GPBP1L1: variants seen among roughly 807,000 people sequenced by gnomAD.
GPBP1L1 encodes the protein GC-rich promoter binding protein 1 like 1.
Under a neutral mutation model 52.5 loss-of-function variants are expected in GPBP1L1, and 23 were observed. The observed-to-expected ratio is 0.44, with a 90% CI of 0.32 to 0.62. The LOEUF (loss-of-function observed/expected upper bound fraction) is 0.62. Among genes scored for constraint, GPBP1L1 ranks in the 20% least tolerant of loss-of-function variants. GPBP1L1 has a pLI of 0.06. For missense variants in GPBP1L1, 596 were observed against 579.3 expected (o/e 1.03, Z -0.30); for synonymous variants, 243 against 203.1 (o/e 1.20, Z -1.67).
intron 2 of GPBP1L1, among the ~76,000 whole-genome samples, chr1:45,674,082 GAA>G (rs1645109209): frequency 3.3e-5 from 5 of 151,406 alleles, no homozygotes; most frequent in African/African-American, 1.2e-4. Context: ...TCAAAAAAAA[GAA>G]AAAGTCAATA....
chr1:45,673,260 CAACT>C (rs1645096309), intron 2 of GPBP1L1, among the ~76,000 whole-genome samples: 1 of 152,178 alleles, frequency 6.6e-6, no homozygotes, highest in Admixed American at 6.5e-5. Context: ...TCTATCTTCT[CAACT>C]AAGTAGACAG....
intron 2 of GPBP1L1, among the ~76,000 whole-genome samples, chr1:45,680,004 TAGG>T (rs1230114020): frequency 6.6e-6 from 1 of 151,250 alleles, no homozygotes; most frequent in Non-Finnish European, 1.5e-5. Context: ...CACTTGAGCC[TAGG>T]AGGTCAAAGC....
At chr1:45,659,622 T>A (rs1644924172) in intron 3 of GPBP1L1, among the ~76,000 whole-genome samples, 1 of 152,184 alleles carries the variant, frequency 6.6e-6, no homozygotes, top group African/African-American at 2.4e-5. Flanking sequence ...CTTCAAGTAC[T>A]CAGGTAACTT....
chr1:45,634,326 C>T, intron 8 of GPBP1L1, 90 bp from the exon 9 acceptor site: 1 of 1,318,818 alleles, frequency 7.6e-7, no homozygotes, highest in Non-Finnish European at 1.0e-6. Context: ...TGAAATGTTA[C>T]ATGAGAACAT....
intron 8 of GPBP1L1, among the ~76,000 whole-genome samples, chr1:45,638,842 G>T (rs1225201425): frequency 6.6e-6 from 1 of 152,140 alleles, no homozygotes; most frequent in African/African-American, 2.4e-5. Flanking sequence ...TGCGCCAGAA[G>T]AATAATTTCT....
At chr1:45,678,251 A>C (rs1442481998) in intron 2 of GPBP1L1, among the ~76,000 whole-genome samples, 1 of 152,340 alleles carries the variant, frequency 6.6e-6, no homozygotes, top group Admixed American at 6.5e-5. Flanking sequence ...TATACTAAAA[A>C]CCACTAAATC....
At chr1:45,637,209 G>A (rs1453869656) in intron 8 of GPBP1L1, among the ~76,000 whole-genome samples, 1 of 152,122 alleles carries the variant, frequency 6.6e-6, no homozygotes, top group African/African-American at 2.4e-5. Flanking sequence ...TGTCTCTAGT[G>A]ACACAGTGTT....
At chr1:45,638,128 G>A (rs1197371456) in intron 8 of GPBP1L1, among the ~76,000 whole-genome samples, 1 of 152,168 alleles carries the variant, frequency 6.6e-6, no homozygotes, top group Non-Finnish European at 1.5e-5. Context: ...CCTTTTCAAA[G>A]ATAACTGTAC....
rs1358790879 is a variant in GPBP1L1 at position 45,640,413 on chromosome 1, A to T, written c.551-10T>A. 1.9e-6 allele frequency: 3 copies of T among 1,609,236 alleles called. No individual in the cohort carries two copies. The highest frequency in any genetic ancestry group is 2.5e-6 in the Non-Finnish European group (3 of 1,176,522). ...GCACTAGGCGGGTTTTCTGTGAAGT[A>T]CAAGAGTGGAGAGACAACAGAATGT... On this transcript the variant is annotated splice_polypyrimidine_tract_variant and intron_variant, in intron 7 of 12. Transcript: ENST00000355105.
intron 2 of GPBP1L1, among the ~76,000 whole-genome samples, chr1:45,673,244 A>G (rs114777890): frequency 0.012 from 1,759 of 152,304 alleles, 20 homozygotes; most frequent in Non-Finnish European, 0.02. Context: ...GTCTACCCTG[A>G]TTGCTTCTAT....
intron 12 of GPBP1L1, 41 bp from the exon 13 acceptor site, chr1:45,628,449 T>C: frequency 6.3e-7 from 1 of 1,596,078 alleles, no homozygotes; most frequent in Admixed American, 1.7e-5. Flanking sequence ...GAAAAAAATA[T>C]CAATGACTGT....
chr1:45,641,235 A>T (rs1644667839), intron 7 of GPBP1L1, among the ~76,000 whole-genome samples: 1 of 152,180 alleles, frequency 6.6e-6, no homozygotes, highest in Non-Finnish European at 1.5e-5. Flanking sequence ...GATATGTTAA[A>T]GACTTCCCAT....
intron 2 of GPBP1L1, among the ~76,000 whole-genome samples, chr1:45,684,258 C>CCA (rs1645251073): frequency 2.3e-5 from 2 of 88,454 alleles, no homozygotes; most frequent in South Asian, 4.0e-4. Context: ...AACTCCGTCT[C>CCA]AAAAAAAAAA....
Position 45,628,343 on chromosome 1 carries a change from A to C in GPBP1L1, c.1338T>G (p.Pro446=). 6.2e-7 allele frequency: 1 copy of C among 1,613,968 alleles called. No homozygotes were observed. The highest frequency in any genetic ancestry group is 1.3e-5 in the African/African-American group (1 of 75,044). ...LQSRSSSLFS[P]WRSTCKAEFE... ...ACTCTGCTTTGCAAGTGCTTCTCCAAGGGGAGAACAGACTGGAACTGCGGC... is the reference window on the plus strand; with the variant it reads ...ACTCTGCTTTGCAAGTGCTTCTCCACGGGGAGAACAGACTGGAACTGCGGC... Residue 446 remains proline, a synonymous_variant, in exon 13 of 13, where the codon CCT becomes CCG. Transcript: ENST00000355105.
intron 2 of GPBP1L1, among the ~76,000 whole-genome samples, chr1:45,665,217 G>C (rs1054893301): frequency 4.6e-5 from 7 of 152,050 alleles, no homozygotes; most frequent in African/African-American, 1.7e-4. Context: ...TTGAACTCGG[G>C]AGGTTGAAGT....
chr1:45,663,142 A>G (rs1644967241), intron 2 of GPBP1L1, among the ~76,000 whole-genome samples: 2 of 152,124 alleles, frequency 1.3e-5, no homozygotes, highest in Admixed American at 1.3e-4. Flanking sequence ...CTGTCCCTGT[A>G]GTGAAGTTAT....
At chr1:45,671,209 C>CT (rs5773890) in intron 2 of GPBP1L1, among the ~76,000 whole-genome samples, 26,843 of 100,004 alleles carry the variant, frequency 0.27, 4,521 homozygotes, top group East Asian at 0.34. Flanking sequence ...GGCTCTCTGG[C>CT]TTTTTTTTTT....
At chr1:45,663,677 A>G (rs1317026634) in intron 2 of GPBP1L1, among the ~76,000 whole-genome samples, 2 of 152,214 alleles carry the variant, frequency 1.3e-5, no homozygotes, top group African/African-American at 4.8e-5. Context: ...CAGATAAAAG[A>G]GATTTCTGTT....
intron 2 of GPBP1L1, among the ~76,000 whole-genome samples, chr1:45,668,747 T>G (rs1232893003): frequency 6.6e-6 from 1 of 152,190 alleles, no homozygotes; most frequent in Non-Finnish European, 1.5e-5. Context: ...TAATGGCCGA[T>G]GTAATGCCCT....
Sources: allele counts gnomAD v4.1 joint callset (sites outside exome capture counted in the v4.1 genomes callset), GRCh38; gene constraint gnomAD v4.1.1; transcripts MANE v1.5; gene names NCBI Gene and HGNC (gene_info 2026-07-23, HGNC 2026-07-21).